TRANK1: variants seen among roughly 807,000 people sequenced by gnomAD.
TRANK1 encodes TPR and ankyrin repeat-containing protein 1.
TRANK1 carries 198 observed loss-of-function variants against 266.0 expected under a neutral mutation model. The ratio of observed to expected loss-of-function variants is 0.74; its 90% CI spans 0.66 to 0.84. The LOEUF (loss-of-function observed/expected upper bound fraction) is 0.84. Ranked by LOEUF, TRANK1 falls within the 40% of genes least tolerant of loss-of-function variation. TRANK1 has a pLI of 0.00. For synonymous variants in TRANK1, 1,396 were observed against 1,384.1 expected, an observed-to-expected ratio of 1.01 and a Z score of -0.19; for missense variants, 3,326 against 3,634.6, an observed-to-expected ratio of 0.92 and a Z score of 2.18.
intron 1 of TRANK1, among the ~76,000 whole-genome samples, chr3:36,919,396 T>C (rs531609823): frequency 6.6e-6 from 1 of 152,364 alleles, no homozygotes; most frequent in East Asian, 1.9e-4. Context: ...ACATAGTGGG[T>C]TCCCTCTTTC....
intron 1 of TRANK1, among the ~76,000 whole-genome samples, chr3:36,928,544 T>C (rs2080320052): frequency 6.6e-6 from 1 of 152,236 alleles, no homozygotes; most frequent in Admixed American, 6.5e-5. Context: ...GGAAGTTTAA[T>C]TACACTAATA....
chr3:36,833,154 G>C lies in TRANK1; in HGVS notation c.6429C>G (p.Asp2143Glu), dbSNP rs1464391704. Reference protein sequence around the residue: ...DPGPILRIIFDLDLNLREKKT... With the variant: ...DPGPILRIIFELDLNLREKKT... The stretch of plus-strand genomic sequence containing the variant: ...TTTTCTCTCTCAAGTTCAAATCCAG[G>C]TCAAAAATTATTCTTAATATGGGCC... Residue 2143 changes from aspartate (D) to glutamate (E), a missense_variant, in exon 22 of 24, where the codon GAC becomes GAG. By Grantham distance (45) the Asp-to-Glu change is conservative. Coordinates refer to ENST00000645898, the MANE Select transcript of TRANK1 (RefSeq NM_001329998.2). 1.2e-6 allele frequency: 2 copies of C among 1,613,344 alleles called. No homozygotes were observed.
chr3:36,874,120 C>T lies in TRANK1; in HGVS notation c.1078+6G>A, dbSNP rs2079350904. 1 of 1,534,532 alleles carries T rather than the reference C, an allele frequency of 6.5e-7. No homozygotes were observed. ...CCCCCAAAAGTTAATACACTGGAAGCTGTACCTGATAGGTCCTTAGAACAC... is the reference window on the plus strand; with the variant it reads ...CCCCCAAAAGTTAATACACTGGAAGTTGTACCTGATAGGTCCTTAGAACAC... On this transcript the variant is annotated splice_donor_region_variant and intron_variant, in intron 9 of 23. Transcript: ENST00000645898.
Position 36,832,307 on chromosome 3 carries a change from A to G in TRANK1, c.7276T>C (p.Tyr2426His). The G allele has an allele frequency of 1.2e-6, 2 of 1,614,042 alleles. No individual in the cohort carries two copies. Among genetic ancestry groups the G allele is most frequent in the Non-Finnish European group, 1.7e-6 (2 of 1,179,902 alleles). ...QFYVYRNPEDYKRLFFRFMNV... is the reference protein window; with the variant it reads ...QFYVYRNPEDHKRLFFRFMNV... ...ATGAAACGGAAAAAGAGCCTCTTGT[A>G]GTCTTCTGGGTTCCTGTACACGTAG... Residue 2426 changes from tyrosine (Y) to histidine (H), a missense_variant, in exon 22 of 24, where the codon TAC becomes CAC. Physicochemically the swap from Tyr to His is moderately conservative, Grantham distance 83. Transcript: ENST00000645898.
Position 36,858,003 on chromosome 3 carries a change from C to T in TRANK1, c.1719G>A (p.Trp573Ter). 6 of 1,593,256 alleles carry T rather than the reference C, an allele frequency of 3.8e-6. No individual in the cohort carries two copies. Among genetic ancestry groups the T allele is most frequent in the Non-Finnish European group, 5.1e-6 (6 of 1,176,152 alleles). ...SFLSHLLDLF[W>*]SNPTEFDYLN... ...GGTAGTCGAATTCAGTGGGGTTGGA[C>T]CAAAACAGATCCAACAGATGGCTGA... Residue 573 changes from tryptophan to a stop codon, truncating the protein, a stop_gained, in exon 13 of 24, where the codon TGG becomes TGA. Transcript: ENST00000645898. LOFTEE classifies it high-confidence loss of function.
At chr3:36,829,003 A>C (rs147857324) in intron 23 of TRANK1, among the ~76,000 whole-genome samples, 1 of 152,362 alleles carries the variant, frequency 6.6e-6, no homozygotes, top group Non-Finnish European at 1.5e-5. Context: ...AAGAAAAAAC[A>C]TTCTGGATCA....
At chr3:36,933,352 G>A (rs566803419) in intron 1 of TRANK1, among the ~76,000 whole-genome samples, 1 of 152,384 alleles carries the variant, frequency 6.6e-6, no homozygotes, top group South Asian at 2.1e-4. Context: ...GCACCCCTCT[G>A]CGCAAAGTAA....
intron 1 of TRANK1, among the ~76,000 whole-genome samples, chr3:36,929,883 ATTGTTGTTGTTGTTG>A (rs201004320): frequency 1.7e-4 from 26 of 148,940 alleles, no homozygotes; most frequent in African/African-American, 4.5e-4. Flanking sequence ...GATGCAGCAG[ATTGTTGTTGTTGTTG>A]TTGTTGTTGT....
At chr3:36,891,835 G>C (rs1234854853) in intron 7 of TRANK1, among the ~76,000 whole-genome samples, 1 of 152,122 alleles carries the variant, frequency 6.6e-6, no homozygotes, top group Admixed American at 6.5e-5. Context: ...AAAATGAACC[G>C]AGAGAAATAG....
intron 1 of TRANK1, among the ~76,000 whole-genome samples, chr3:36,930,167 C>G (rs901877481): frequency 6.6e-6 from 1 of 152,172 alleles, no homozygotes; most frequent in African/African-American, 2.4e-5. Flanking sequence ...AACCACTTTG[C>G]CCAGCTGAGA....
At chr3:36,855,072 T>G in intron 13 of TRANK1, 101 bp downstream of exon 13, 1 of 1,071,086 alleles carries the variant, frequency 9.3e-7, no homozygotes, top group Non-Finnish European at 1.3e-6. Flanking sequence ...TACCCTTACT[T>G]CAGCTGTAAA....
intron 1 of TRANK1, among the ~76,000 whole-genome samples, chr3:36,932,709 G>A (rs987659043): frequency 3.9e-5 from 6 of 152,208 alleles, no homozygotes; most frequent in African/African-American, 1.4e-4. Flanking sequence ...GTATGTGTGT[G>A]TGTACATTTC....
chr3:36,935,256 C>T (rs1218110369), intron 1 of TRANK1, among the ~76,000 whole-genome samples: 1 of 152,162 alleles, frequency 6.6e-6, no homozygotes, highest in Non-Finnish European at 1.5e-5. Context: ...ACTGCTGCTG[C>T]TCTTAACACA....
chr3:36,888,934 C>A (rs1223219620), intron 8 of TRANK1, among the ~76,000 whole-genome samples: 1 of 152,142 alleles, frequency 6.6e-6, no homozygotes, highest in Non-Finnish European at 1.5e-5. Flanking sequence ...ATCCCAACTA[C>A]TCAGGAGAGG....
intron 1 of TRANK1, among the ~76,000 whole-genome samples, chr3:36,914,096 C>A (rs1335664415): frequency 6.6e-6 from 1 of 151,920 alleles, no homozygotes; most frequent in Non-Finnish European, 1.5e-5. Context: ...TCTACCTCCC[C>A]AATATCTAGG....
chr3:36,880,356 T>C (rs746411719), intron 8 of TRANK1: 4 of 397,722 alleles, frequency 1.0e-5, no homozygotes, highest in Non-Finnish European at 2.1e-5. Context: ...AATTATTCTT[T>C]CAGGATTAAG....
intron 21 of TRANK1, 36 bp from the exon 22 acceptor site, chr3:36,833,955 T>C: frequency 6.5e-7 from 1 of 1,545,388 alleles, no homozygotes; most frequent in Non-Finnish European, 8.7e-7. Context: ...CAACTTGCCA[T>C]CACCCAATCA....
In TRANK1 at chr3:36,892,985, C is replaced by T. The variant is rs1345636790; in HGVS notation, c.553-1G>A. The T allele has an allele frequency of 7.4e-6, 11 of 1,495,606 alleles. No homozygotes were observed. Among genetic ancestry groups the T allele is most frequent in the Non-Finnish European group, 9.7e-6 (11 of 1,129,146 alleles). The allele number at this position is 1,495,606 out of a possible 1,614,324, so 92.6% of individuals were successfully genotyped here. A position where few individuals can be genotyped will look rare whatever the true frequency, so the allele number is the denominator to read the frequency against. On this transcript the variant is annotated splice_acceptor_variant, in intron 5 of 23. Coordinates refer to ENST00000645898, the MANE Select transcript of TRANK1 (RefSeq NM_001329998.2). LOFTEE classifies it high-confidence loss of function. ...TTTTTGCTGACAGAAGCAGAAATGA[C>T]TGGTGGGAGAAGACAGAAAAGGCTG...
intron 1 of TRANK1, among the ~76,000 whole-genome samples, chr3:36,940,132 G>T (rs1276046241): frequency 6.6e-6 from 1 of 151,434 alleles, no homozygotes. Context: ...TGATCTACCC[G>T]CCTCAGCCTC....
Sources: gnomAD v4.1 joint callset for allele counts (sites outside exome capture counted in the v4.1 genomes callset) on GRCh38, gnomAD v4.1.1 for gene constraint, MANE v1.5 for transcripts, NCBI Gene and HGNC (gene_info 2026-07-23, HGNC 2026-07-21) for gene names.